The following KLRD1 variants were observed in gnomAD, a reference collection of about 807,000 sequenced individuals.
KLRD1 encodes the protein killer cell lectin like receptor D1, also known as natural killer cells antigen CD94.
KLRD1 carries 21 observed loss-of-function variants against 22.6 expected under a neutral mutation model. The observed-to-expected ratio is 0.93, with a 90% CI of 0.66 to 1.34. KLRD1 has a LOEUF of 1.34. Ranked by LOEUF, KLRD1 falls within the 40% of genes most tolerant of loss-of-function variation. The pLI is 0.00. For missense variants in KLRD1, 183 were observed against 208.6 expected (o/e 0.88, Z 0.76); for synonymous variants, 59 against 71.1 (o/e 0.83, Z 0.85).
At chr12:10,250,400 C>G (rs970539758) in intron 1 of KLRD1, among the ~76,000 whole-genome samples, 5 of 152,068 alleles carry the variant, frequency 3.3e-5, no homozygotes, top group Non-Finnish European at 7.4e-5. Context: ...TGTAGCTAGA[C>G]AAAGAGAAGG....
chr12:10,243,632 A>AC (rs1359551309), intron 1 of KLRD1, among the ~76,000 whole-genome samples: 11 of 131,586 alleles, frequency 8.4e-5, no homozygotes, highest in South Asian at 2.3e-4. Flanking sequence ...AAAAAAAAAA[A>AC]ACCGAAATGA....
chr12:10,285,511 T>C (rs74060304), intron 1 of KLRD1, among the ~76,000 whole-genome samples: 5,251 of 152,320 alleles, frequency 0.034, 310 homozygotes, highest in African/African-American at 0.12. Flanking sequence ...AAGCTTCCAA[T>C]ATGAAATAAG....
Position 10,308,008 on chromosome 12 carries a change from T to C in KLRD1, c.-70T>C. The C allele has an allele frequency of 7.0e-7, 1 of 1,418,654 alleles. No individual in the cohort carries two copies. The highest frequency in any genetic ancestry group is 1.2e-5 in the South Asian group (1 of 86,254). The allele number at this position is 1,418,654 out of a possible 1,614,324, so 87.9% of individuals were successfully genotyped here. A position where few individuals can be genotyped will look rare whatever the true frequency, so the allele number is the denominator to read the frequency against. ...TTAATCTCCAGCTCAGCTTCAACAA[T>C]TCAACGCTGTTCTTTCTGAAAAAGT... On this transcript the variant is annotated 5_prime_UTR_variant, in exon 1 of 6. Coordinates refer to ENST00000336164, the MANE Select transcript of KLRD1 (RefSeq NM_002262.5).
intron 1 of KLRD1, among the ~76,000 whole-genome samples, chr12:10,266,106 T>C (rs190968330): frequency 6.6e-6 from 1 of 152,326 alleles, no homozygotes; most frequent in East Asian, 1.9e-4. Flanking sequence ...AACAGATTAT[T>C]GATTGCTTCC....
At chr12:10,241,230 A>G (rs180984438) in intron 1 of KLRD1, among the ~76,000 whole-genome samples, 5 of 152,310 alleles carry the variant, frequency 3.3e-5, no homozygotes, top group African/African-American at 1.2e-4. Context: ...ACTTTCATAA[A>G]TAGCGACTTC....
intron 1 of KLRD1, among the ~76,000 whole-genome samples, chr12:10,274,711 A>G (rs1488298278): frequency 1.3e-5 from 2 of 152,152 alleles, no homozygotes; most frequent in South Asian, 4.1e-4. Flanking sequence ...AATATATCCA[A>G]TATATTATTT....
At chr12:10,276,506 T>C (rs1403145216) in intron 1 of KLRD1, among the ~76,000 whole-genome samples, 1 of 152,124 alleles carries the variant, frequency 6.6e-6, no homozygotes, top group Non-Finnish European at 1.5e-5. Context: ...AATATCTTGG[T>C]ATTGAGAATA....
At chr12:10,312,768 T>A (rs2137713452) in intron 4 of KLRD1, among the ~76,000 whole-genome samples, 1 of 147,868 alleles carries the variant, frequency 6.8e-6, no homozygotes, top group Admixed American at 6.7e-5. Context: ...GGAGGGCGGA[T>A]CACAGTCAGG....
intron 1 of KLRD1, among the ~76,000 whole-genome samples, chr12:10,272,338 CTG>C (rs1166454561): frequency 6.6e-6 from 1 of 152,184 alleles, no homozygotes; most frequent in East Asian, 1.9e-4. Context: ...CCTAGTGCAA[CTG>C]TAAATATTTA....
chr12:10,307,599 A>G (rs190290536), upstream of KLRD1, among the ~76,000 whole-genome samples: 1 of 152,220 alleles, frequency 6.6e-6, no homozygotes, highest in Non-Finnish European at 1.5e-5. Context: ...ATAAATGTTT[A>G]TTATTAAAAG....
At chr12:10,275,866 AAAGTT>A (rs1354497499) in intron 1 of KLRD1, among the ~76,000 whole-genome samples, 5 of 152,206 alleles carry the variant, frequency 3.3e-5, no homozygotes, top group Admixed American at 3.3e-4. Flanking sequence ...AATAATGATA[AAAGTT>A]AAGTAAAGAT....
intron 1 of KLRD1, among the ~76,000 whole-genome samples, chr12:10,285,758 TTTTC>T (rs1405113448): frequency 6.6e-6 from 1 of 152,206 alleles, no homozygotes. Flanking sequence ...TTATGTTATT[TTTTC>T]TTTGTGATTG....
At chr12:10,273,478 T>C (rs2137646738) in intron 1 of KLRD1, among the ~76,000 whole-genome samples, 1 of 152,352 alleles carries the variant, frequency 6.6e-6, no homozygotes. Flanking sequence ...ATAATTTGTT[T>C]TTATCATTGA....
At chr12:10,241,030 T>C (rs1294778038) in intron 1 of KLRD1, among the ~76,000 whole-genome samples, 4 of 152,184 alleles carry the variant, frequency 2.6e-5, no homozygotes, top group African/African-American at 9.7e-5. Context: ...GGAATAATTT[T>C]ATGAGGGGCA....
chr12:10,305,961 G>A (rs1241473327), upstream of KLRD1, among the ~76,000 whole-genome samples: 1 of 151,888 alleles, frequency 6.6e-6, no homozygotes, highest in Non-Finnish European at 1.5e-5. Flanking sequence ...AGGAGATCGA[G>A]ACAATCCTGG....
At chr12:10,268,152 A>G (rs1161823265) in intron 1 of KLRD1, among the ~76,000 whole-genome samples, 2 of 152,344 alleles carry the variant, frequency 1.3e-5, no homozygotes, top group East Asian at 1.9e-4. Flanking sequence ...TGGAGTAGAC[A>G]GAGAGGGAGA....
At chr12:10,284,056 G>A (rs1243582224) in intron 1 of KLRD1, among the ~76,000 whole-genome samples, 3 of 151,368 alleles carry the variant, frequency 2.0e-5, no homozygotes, top group Non-Finnish European at 4.4e-5. Context: ...GCATGGTGGT[G>A]GGCGCTTGTA....
intron 1 of KLRD1, among the ~76,000 whole-genome samples, chr12:10,250,001 G>A (rs1432565996): frequency 6.6e-6 from 1 of 151,982 alleles, no homozygotes; most frequent in Non-Finnish European, 1.5e-5. Flanking sequence ...TTGTTTTCTC[G>A]AAGACCATTA....
intron 1 of KLRD1, among the ~76,000 whole-genome samples, chr12:10,276,974 C>T (rs1363216207): frequency 2.0e-5 from 3 of 152,144 alleles, no homozygotes; most frequent in Non-Finnish European, 4.4e-5. Flanking sequence ...CAAAATCATT[C>T]AGATGACTCA....
Sources: gnomAD v4.1 joint callset for allele counts (sites outside exome capture counted in the v4.1 genomes callset) on GRCh38, gnomAD v4.1.1 for gene constraint, MANE v1.5 for transcripts, NCBI Gene and HGNC (gene_info 2026-07-23, HGNC 2026-07-21) for gene names.